The following SCARB2 variants were observed in gnomAD, a reference collection of about 807,000 sequenced individuals.
The protein encoded by SCARB2 is scavenger receptor class B member 2.
A neutral mutation model predicts 58.6 loss-of-function variants in SCARB2; 29 were observed. The observed-to-expected ratio is 0.49, with a 90% CI of 0.37 to 0.67. The LOEUF is 0.67. Among genes scored for constraint, SCARB2 ranks in the 30% least tolerant of loss-of-function variants. The pLI is 0.00. For missense variants in SCARB2, 488 were observed against 578.5 expected (o/e 0.84, Z 1.60); for synonymous variants, 195 against 210.1 (o/e 0.93, Z 0.62).
At chr4:76,223,722 T>G (rs754389202) in intron 1 of SCARB2, among the ~76,000 whole-genome samples, 4 of 152,144 alleles carry the variant, frequency 2.6e-5, no homozygotes, top group Non-Finnish European at 5.9e-5. Flanking sequence ...TAGTCCATAG[T>G]CCCTCAAGGC....
At chr4:76,174,631 G>A in intron 6 of SCARB2, 1 of 343,068 alleles carries the variant, frequency 2.9e-6, no homozygotes, top group Admixed American at 4.3e-5. Context: ...GACCTGCATG[G>A]ACATATGCCA....
chr4:76,224,069 G>T (rs1272893559), intron 1 of SCARB2, among the ~76,000 whole-genome samples: 1 of 152,144 alleles, frequency 6.6e-6, no homozygotes, highest in Non-Finnish European at 1.5e-5. Context: ...TATTGAATAG[G>T]TATTAAACCA....
chr4:76,180,225 A>C (rs1470194), intron 3 of SCARB2: 22,474 of 169,878 alleles, frequency 0.13, 2,144 homozygotes, highest in African/African-American at 0.27. Context: ...CCAGCCCAGG[A>C]ACAGTGGTTC....
At chr4:76,214,114 T>A (rs1267686413), upstream of SCARB2, 2 of 410,422 alleles carry the variant, frequency 4.9e-6, no homozygotes, top group Non-Finnish European at 9.6e-6. Context: ...ATTTACTCAT[T>A]CCGCAGATAG....
At chr4:76,230,227 G>A (rs1009935489) in intron 1 of SCARB2, among the ~76,000 whole-genome samples, 2 of 152,138 alleles carry the variant, frequency 1.3e-5, no homozygotes, top group Admixed American at 6.5e-5. Context: ...GGGATGCTGG[G>A]TGGTTCTTGG....
At chr4:76,200,922 C>G (rs904342991) in intron 1 of SCARB2, among the ~76,000 whole-genome samples, 2 of 152,154 alleles carry the variant, frequency 1.3e-5, no homozygotes, top group Admixed American at 6.5e-5. Flanking sequence ...TCTCTCCAGC[C>G]TTTTTCCTTT....
chr4:76,223,573 G>T (rs531931986), intron 1 of SCARB2, among the ~76,000 whole-genome samples: 7 of 152,168 alleles, frequency 4.6e-5, no homozygotes, highest in African/African-American at 1.7e-4. Flanking sequence ...ATCCCAAGAC[G>T]TTGCATTGGA....
chr4:76,176,571 T>C (rs1240103431), intron 4 of SCARB2, 43 bp from the exon 5 acceptor site: 1 of 1,376,686 alleles, frequency 7.3e-7, no homozygotes, highest in South Asian at 1.2e-5. Flanking sequence ...ACTGTGATAA[T>C]TTTATGACAA....
At chr4:76,183,471 T>C (rs759720080) in intron 2 of SCARB2, among the ~76,000 whole-genome samples, 6 of 152,176 alleles carry the variant, frequency 3.9e-5, no homozygotes, top group Non-Finnish European at 7.3e-5. Flanking sequence ...AACACTTACA[T>C]TTTATTATAA....
At chr4:76,163,826 T>C in intron 10 of SCARB2, 1 of 256,786 alleles carries the variant, frequency 3.9e-6, no homozygotes, top group Non-Finnish European at 7.6e-6. Flanking sequence ...ACTGTTTGTC[T>C]TGCAATGGCT....
At chr4:76,182,519 A>C (rs1010208094) in intron 2 of SCARB2, among the ~76,000 whole-genome samples, 4 of 152,226 alleles carry the variant, frequency 2.6e-5, no homozygotes, top group African/African-American at 9.6e-5. Flanking sequence ...TGGTTCATGT[A>C]ATATTTCTAT....
chr4:76,197,869 A>C (rs1170249703), intron 1 of SCARB2, among the ~76,000 whole-genome samples: 1 of 152,096 alleles, frequency 6.6e-6, no homozygotes, highest in Non-Finnish European at 1.5e-5. Context: ...TTACTTCTGT[A>C]AGCAGAAAAA....
rs553662321 is a variant in SCARB2, at chr4:76,174,054, C to T, written c.994+90G>A. 4.7e-5 allele frequency: 71 copies of T among 1,509,300 alleles called. No individual in the cohort carries two copies. In the Admixed American group the frequency reaches 6.5e-4, roughly 14 times the overall value. 93.5% of individuals were successfully genotyped at this position (1,509,300 alleles called of 1,614,324 possible). A position where few individuals can be genotyped will look rare whatever the true frequency, so the allele number is the denominator to read the frequency against. ...CTTAGTAGCTGGGACTGTAGGTGTG[C>T]GCCACTACGCCCAGCTACATATTCT... On this transcript the variant is annotated intron_variant, in intron 7 of 11. Coordinates refer to ENST00000264896, the MANE Select transcript of SCARB2 (RefSeq NM_005506.4).
Position 76,213,498 on chromosome 4 carries a change from G to A in SCARB2, c.46C>T (p.Leu16=), listed in dbSNP as rs1733111518. 2 of 1,611,336 alleles carry A rather than the reference G, an allele frequency of 1.2e-6. No individual in the cohort carries two copies. The highest frequency in any genetic ancestry group is 2.7e-5 in the African/African-American group (2 of 74,928). ...AGCAGCGTGACGCTGGTCACCAGCA[G>A]GAGCAGGGACAACGTCCCCGCCGTG... The part of the protein sequence containing the change: ...FYTAGTLSLL[L]LVTSVTLLVA... Residue 16 remains leucine (L), a synonymous_variant, in exon 1 of 12, where the codon CTG becomes TTG. Transcript: ENST00000264896.
intron 2 of SCARB2, 68 bp downstream of exon 2, chr4:76,195,639 G>A (rs1732695218): frequency 7.3e-7 from 1 of 1,377,374 alleles, no homozygotes; most frequent in Non-Finnish European, 1.0e-6. Context: ...CCTGGGAAGA[G>A]GCAAGGACTC....
intron 2 of SCARB2, among the ~76,000 whole-genome samples, chr4:76,189,423 T>C (rs1732554334): frequency 6.6e-6 from 1 of 152,166 alleles, no homozygotes; most frequent in African/African-American, 2.4e-5. Context: ...CACGTCCTTT[T>C]TCACGTGGCA....
At chr4:76,219,358 G>A (rs919772419) in intron 1 of SCARB2, among the ~76,000 whole-genome samples, 1 of 152,146 alleles carries the variant, frequency 6.6e-6, no homozygotes, top group African/African-American at 2.4e-5. Context: ...ATTCTGACGT[G>A]AAATGTATTC....
At chr4:76,196,508 G>A (rs1411223246) in intron 1 of SCARB2, among the ~76,000 whole-genome samples, 1 of 152,148 alleles carries the variant, frequency 6.6e-6, no homozygotes, top group Non-Finnish European at 1.5e-5. Flanking sequence ...AAGATTCCAT[G>A]GATGGTGTAT....
chr4:76,234,439 T>C (rs553278286), exon 1 of SCARB2: 4 of 152,324 alleles, frequency 2.6e-5, no homozygotes, highest in African/African-American at 9.6e-5. Flanking sequence ...AGAATTGTAC[T>C]GGGTGAAAAG....
Sources: gnomAD v4.1 joint callset for allele counts (sites outside exome capture counted in the v4.1 genomes callset) on GRCh38, gnomAD v4.1.1 for gene constraint, MANE v1.5 for transcripts, NCBI Gene and HGNC (gene_info 2026-07-23, HGNC 2026-07-21) for gene names.